The following NAALAD2 variants were observed in gnomAD, a reference collection of about 807,000 sequenced individuals.
The protein encoded by NAALAD2 is N-acetylated-alpha-linked acidic dipeptidase 2.
NAALAD2 carries 89 observed loss-of-function variants against 95.6 expected under a neutral mutation model. The ratio of observed to expected loss-of-function variants is 0.93; its 90% CI spans 0.78 to 1.11. NAALAD2 has a LOEUF of 1.11. Ranked by LOEUF, NAALAD2 falls within the 50% of genes least tolerant of loss-of-function variation. NAALAD2 has a pLI of 0.00. For synonymous variants in NAALAD2, 264 were observed against 294.4 expected (o/e 0.90, Z 1.06); for missense variants, 894 against 872.4 (o/e 1.02, Z -0.31).
upstream of NAALAD2, chr11:90,132,151 A>G (rs192205566): frequency 6.5e-6 from 1 of 152,772 alleles, no homozygotes; most frequent in African/African-American, 2.4e-5. Flanking sequence ...GCTTTTTACA[A>G]TGGCTTTTCA....
chr11:90,190,563 G>A (rs1347058063), intron 18 of NAALAD2, among the ~76,000 whole-genome samples: 2 of 152,020 alleles, frequency 1.3e-5, no homozygotes, highest in African/African-American at 2.4e-5. Context: ...CCAGAAGAGG[G>A]TAAGTATACT....
At chr11:90,150,366 C>T (rs1402056395) in intron 4 of NAALAD2, 116 bp from the exon 5 acceptor site, 2 of 531,746 alleles carry the variant, frequency 3.8e-6, no homozygotes, top group African/African-American at 1.9e-5. Flanking sequence ...GTTTATTACT[C>T]CCCAAATAAA....
At chr11:90,184,518 A>G (rs559153079) in intron 18 of NAALAD2, among the ~76,000 whole-genome samples, 1 of 152,274 alleles carries the variant, frequency 6.6e-6, no homozygotes, top group South Asian at 2.1e-4. Context: ...GGATCAAACA[A>G]AAGCCGAAAG....
At position 90,163,241 on chromosome 11, in the gene NAALAD2, A is replaced by G. The variant is rs960318363; in HGVS notation, c.1076-69A>G. ...ACTCAAGCAAGAGGATGTTTATTTT[A>G]AAAACATAAATTACAAATATTTATA... On this transcript the variant is annotated intron_variant, in intron 9 of 18. Transcript: ENST00000534061. The G allele has an allele frequency of 3.1e-5, 47 of 1,498,044 alleles. No homozygotes were observed. In the South Asian group the frequency reaches 4.9e-4, roughly 16 times the overall value. The allele number at this position is 1,498,044 out of a possible 1,614,324, so 92.8% of individuals were successfully genotyped here.
chr11:90,144,621 A>G (rs1951704219), intron 2 of NAALAD2, among the ~76,000 whole-genome samples: 1 of 151,898 alleles, frequency 6.6e-6, no homozygotes, highest in Non-Finnish European at 1.5e-5. Context: ...ATGCACCTGT[A>G]ATCCCAGCTA....
intron 2 of NAALAD2, among the ~76,000 whole-genome samples, chr11:90,145,250 A>G (rs1024343035): frequency 6.6e-6 from 1 of 152,144 alleles, no homozygotes; most frequent in Non-Finnish European, 1.5e-5. Context: ...TGGCGCTGTA[A>G]TGCCCATCTT....
intron 11 of NAALAD2, among the ~76,000 whole-genome samples, chr11:90,166,728 G>T (rs1024641262): frequency 2.6e-5 from 4 of 151,852 alleles, no homozygotes; most frequent in African/African-American, 9.7e-5. Context: ...CCAGCTACTC[G>T]GGAGGCTGAG....
Position 90,173,870 on chromosome 11 carries a change from G to A in NAALAD2, c.1457G>A (p.Ser486Asn). Residue 486 changes from serine (S) to asparagine (N), a missense_variant, in exon 14 of 19, where the codon AGC becomes AAC. Ser to Asn is a conservative substitution (Grantham distance 46). Transcript: ENST00000534061. Reference protein sequence around the residue: ...DGFESKSLYESWLEKDPSPEN... With the variant: ...DGFESKSLYENWLEKDPSPEN... ...TTTGAGAGTAAATCACTGTATGAAA[G>A]CTGGTTGGAAAAAGACCCTTCACCT... 1 of 1,612,898 alleles carries A rather than the reference G, an allele frequency of 6.2e-7. No individual in the cohort carries two copies. The highest frequency in any genetic ancestry group is 8.5e-7 in the Non-Finnish European group (1 of 1,179,456).
chr11:90,184,769 C>A (rs867222927), intron 18 of NAALAD2, among the ~76,000 whole-genome samples: 1 of 151,842 alleles, frequency 6.6e-6, no homozygotes, highest in Non-Finnish European at 1.5e-5. Context: ...AGTTTTAATG[C>A]ACTTATATAC....
chr11:90,134,930 G>T, intron 1 of NAALAD2, 90 bp downstream of exon 1: 1 of 1,447,236 alleles, frequency 6.9e-7, no homozygotes, highest in Non-Finnish European at 9.7e-7. Flanking sequence ...AAGGGATTGG[G>T]CTGTGCGCTA....
chr11:90,155,164 ATT>A (rs1481038705), intron 6 of NAALAD2, among the ~76,000 whole-genome samples: 7 of 129,452 alleles, frequency 5.4e-5, no homozygotes, highest in African/African-American at 1.2e-4. Flanking sequence ...GTGTATATAT[ATT>A]ATATACCTAT....
chr11:90,176,347 T>G (rs1952793870), intron 15 of NAALAD2, among the ~76,000 whole-genome samples: 1 of 152,214 alleles, frequency 6.6e-6, no homozygotes, highest in Admixed American at 6.5e-5. Context: ...CTTTTCCTGA[T>G]TTGTCAGAAA....
chr11:90,135,631 T>A lies in NAALAD2; in HGVS notation c.155T>A (p.Val52Glu), dbSNP rs1951436427. The change falls in exon 2 of 19, where the codon GTA becomes GAA. Residue 52 changes from valine (V) to glutamate (E), a missense_variant. By Grantham distance (121) the Val-to-Glu change is moderately radical. Coordinates refer to ENST00000534061, the MANE Select transcript of NAALAD2 (RefSeq NM_005467.4). ...CATCAAAGTATACGGTGGAAACTGG[T>A]ATCCGAAATGAAAGCTGAAAACATC... Reference protein sequence around the residue: ...RYHQSIRWKLVSEMKAENIKS... With the variant: ...RYHQSIRWKLESEMKAENIKS... 1 of 1,613,448 alleles carries A rather than the reference T, an allele frequency of 6.2e-7. No homozygotes were observed. Among genetic ancestry groups the A allele is most frequent in the Admixed American group, 1.7e-5 (1 of 59,914 alleles).
intron 12 of NAALAD2, chr11:90,169,217 C>G (rs1952562234): frequency 2.6e-6 from 1 of 381,884 alleles, no homozygotes; most frequent in Non-Finnish European, 4.6e-6. Flanking sequence ...CATAACTAAG[C>G]TATTGCTTTT....
chr11:90,187,638 T>C (rs1000618930), intron 18 of NAALAD2, among the ~76,000 whole-genome samples: 2 of 152,170 alleles, frequency 1.3e-5, no homozygotes, highest in Admixed American at 6.5e-5. Context: ...TTTTTCCTCA[T>C]CCAGCAATGT....
intron 18 of NAALAD2, among the ~76,000 whole-genome samples, chr11:90,183,942 T>A (rs1565550039): frequency 6.6e-6 from 1 of 152,170 alleles, no homozygotes; most frequent in Non-Finnish European, 1.5e-5. Flanking sequence ...CTCTACATCA[T>A]GTTCTCTTTC....
chr11:90,173,785 T>C, intron 13 of NAALAD2, 39 bp from the exon 14 acceptor site: 1 of 1,474,342 alleles, frequency 6.8e-7, no homozygotes, highest in Non-Finnish European at 9.4e-7. Flanking sequence ...ATGTAGTTGC[T>C]TCTACCCCTA....
intron 18 of NAALAD2, among the ~76,000 whole-genome samples, chr11:90,189,636 G>C (rs1290094281): frequency 6.6e-6 from 1 of 152,082 alleles, no homozygotes; most frequent in Non-Finnish European, 1.5e-5. Flanking sequence ...AGGCGTGGTG[G>C]TAGGCACCTG....
intron 6 of NAALAD2, among the ~76,000 whole-genome samples, chr11:90,155,023 CATA>C (rs1464227127): frequency 0.013 from 1,532 of 121,446 alleles, 31 homozygotes; most frequent in Non-Finnish European, 0.019. Context: ...TATACATATA[CATA>C]ATATGTATAT....
Sources: allele counts gnomAD v4.1 joint callset (sites outside exome capture counted in the v4.1 genomes callset), GRCh38; gene constraint gnomAD v4.1.1; transcripts MANE v1.5; gene names NCBI Gene and HGNC (gene_info 2026-07-23, HGNC 2026-07-21).